Variants in STXBP4 observed in about 807,000 individuals in gnomAD.
STXBP4 encodes syntaxin binding protein 4.
In STXBP4, 55 loss-of-function variants were observed where a neutral mutation model predicts 76.1. That is an observed-to-expected ratio of 0.72 (90% CI 0.58 to 0.91). STXBP4 has a LOEUF of 0.91. Among genes scored for constraint, STXBP4 ranks in the 40% least tolerant of loss-of-function variants. STXBP4 has a pLI of 0.00. For missense variants in STXBP4, 618 were observed against 636.9 expected (o/e 0.97, Z 0.32); for synonymous variants, 201 against 220.2 (o/e 0.91, Z 0.77).
intron 16 of STXBP4, among the ~76,000 whole-genome samples, chr17:55,123,862 G>A (rs1056208772): frequency 2.0e-5 from 3 of 151,390 alleles, no homozygotes; most frequent in Non-Finnish European, 4.4e-5. Flanking sequence ...ATTGCACCAC[G>A]GCACTCCAAC....
At chr17:55,014,930 C>T (rs1413246322) in intron 8 of STXBP4, among the ~76,000 whole-genome samples, 1 of 151,506 alleles carries the variant, frequency 6.6e-6, no homozygotes, top group East Asian at 1.9e-4. Flanking sequence ...TTTTTTGTCC[C>T]GTTTGTCCCG....
chr17:55,144,423 A>G (rs1436495488), intron 17 of STXBP4, among the ~76,000 whole-genome samples: 1 of 152,220 alleles, frequency 6.6e-6, no homozygotes, highest in Non-Finnish European at 1.5e-5. Flanking sequence ...CTTCTTATAC[A>G]GAGGCCAGTG....
chr17:55,096,217 G>A (rs1318079940), intron 16 of STXBP4, among the ~76,000 whole-genome samples: 2 of 152,012 alleles, frequency 1.3e-5, no homozygotes, highest in Non-Finnish European at 2.9e-5. Flanking sequence ...GTGCAGTGGT[G>A]TGATCACAGC....
intron 16 of STXBP4, among the ~76,000 whole-genome samples, chr17:55,138,770 CCTTTA>C (rs774494193): frequency 6.6e-6 from 1 of 151,884 alleles, no homozygotes; most frequent in Non-Finnish European, 1.5e-5. Flanking sequence ...AGAAATGAAA[CCTTTA>C]CTAAGGGAAA....
chr17:55,065,266 A>C (rs1158339920), intron 12 of STXBP4, among the ~76,000 whole-genome samples: 1 of 152,078 alleles, frequency 6.6e-6, no homozygotes, highest in Non-Finnish European at 1.5e-5. Flanking sequence ...ACCAGTTTTC[A>C]CTGATTTATT....
chr17:55,203,289 A>G, the STXBP4 span, among the ~76,000 whole-genome samples: 1 of 152,152 alleles, frequency 6.6e-6, no homozygotes, highest in Non-Finnish European at 1.5e-5. Context: ...TCTTATGTTT[A>G]CACCTATAAT....
rs1160938591 is a variant in STXBP4, at chr17:55,168,097, C to T, written c.*8186C>T. On this transcript the variant is annotated 3_prime_UTR_variant, in exon 18 of 18. Coordinates refer to ENST00000376352, the MANE Select transcript of STXBP4 (RefSeq NM_178509.6). ...ACCACACAAAAATAAGAAGTTGGCACCAAATTAAATGCATGGATTACTTCT... is the reference window on the plus strand; with the variant it reads ...ACCACACAAAAATAAGAAGTTGGCATCAAATTAAATGCATGGATTACTTCT... 7.8e-6 allele frequency: 1 copy of T among 128,534 alleles called. No homozygotes were observed. The highest frequency in any genetic ancestry group is 2.1e-4 in the East Asian group (1 of 4,822). The allele number at this position is 128,534 out of a possible 1,614,324, so 8.0% of individuals were successfully genotyped here.
chr17:55,031,360 G>A, intron 9 of STXBP4, 96 bp downstream of exon 9: 2 of 1,031,000 alleles, frequency 1.9e-6, no homozygotes, highest in Middle Eastern at 4.2e-4. Context: ...TTTAGAAGGA[G>A]AGAATGAAAA....
At chr17:54,997,598 T>G (rs1463113677) in intron 4 of STXBP4, among the ~76,000 whole-genome samples, 1 of 140,680 alleles carries the variant, frequency 7.1e-6, no homozygotes, top group East Asian at 2.9e-4. Flanking sequence ...ATTTTATATA[T>G]TTTATATATA....
chr17:55,171,390 G>A lies in STXBP4; in HGVS notation c.*11479G>A, dbSNP rs1192183679. On this transcript the variant is annotated 3_prime_UTR_variant, in exon 18 of 18. Coordinates refer to ENST00000376352, the MANE Select transcript of STXBP4 (RefSeq NM_178509.6). ...TTGCTTAGATATTCTTATTGAGGGG[G>A]AACTTACTAACTCCTTTAATTCTTA... 1 of 152,132 alleles carries A rather than the reference G, an allele frequency of 6.6e-6. No homozygotes were observed. Among genetic ancestry groups the A allele is most frequent in the African/African-American group, 2.4e-5 (1 of 41,446 alleles). 9.4% of individuals were successfully genotyped at this position (152,132 alleles called of 1,614,324 possible).
At chr17:55,097,477 C>A (rs1046816763) in intron 16 of STXBP4, among the ~76,000 whole-genome samples, 1 of 152,090 alleles carries the variant, frequency 6.6e-6, no homozygotes, top group South Asian at 2.1e-4. Context: ...TCCTGGCTAA[C>A]ACGGTGAAAC....
chr17:55,062,795 C>G (rs1319324135), intron 12 of STXBP4, among the ~76,000 whole-genome samples: 1 of 152,194 alleles, frequency 6.6e-6, no homozygotes, highest in East Asian at 1.9e-4. Flanking sequence ...GCCATTCTAA[C>G]TGGCGTGAGA....
chr17:55,018,501 AGTTT>A (rs1204668108), intron 8 of STXBP4, among the ~76,000 whole-genome samples: 1 of 152,178 alleles, frequency 6.6e-6, no homozygotes, highest in African/African-American at 2.4e-5. Context: ...GGGTAGTCCG[AGTTT>A]GTTTATTTTC....
At chr17:54,981,838 A>G (rs1225744674) in intron 1 of STXBP4, among the ~76,000 whole-genome samples, 1 of 152,212 alleles carries the variant, frequency 6.6e-6, no homozygotes, top group Non-Finnish European at 1.5e-5. Flanking sequence ...GAACAGAGAA[A>G]GACCTAACGA....
the STXBP4 span, among the ~76,000 whole-genome samples, chr17:55,204,452 C>CT: frequency 3.3e-5 from 5 of 151,780 alleles, no homozygotes; most frequent in Admixed American, 6.6e-5. Context: ...TAATTCTTAC[C>CT]TTTTTTGCCT....
intron 12 of STXBP4, among the ~76,000 whole-genome samples, chr17:55,072,321 T>G (rs1901067791): frequency 6.6e-6 from 1 of 152,218 alleles, no homozygotes; most frequent in African/African-American, 2.4e-5. Context: ...ACATAACATG[T>G]GTTTAATAAA....
intron 1 of STXBP4, among the ~76,000 whole-genome samples, chr17:54,976,328 C>G (rs1327090689): frequency 1.3e-5 from 2 of 152,174 alleles, no homozygotes; most frequent in African/African-American, 4.8e-5. Flanking sequence ...GAAATAGGAC[C>G]AATTGTCCCA....
chr17:55,028,473 A>G (rs904656601), intron 8 of STXBP4, among the ~76,000 whole-genome samples: 2 of 152,214 alleles, frequency 1.3e-5, no homozygotes, highest in Admixed American at 6.5e-5. Flanking sequence ...CTATATTCAT[A>G]GAAAAAAACC....
At chr17:55,179,381 G>A in the STXBP4 span, among the ~76,000 whole-genome samples, 2 of 152,152 alleles carry the variant, frequency 1.3e-5, no homozygotes, top group African/African-American at 2.4e-5. Flanking sequence ...AGACCTGTGA[G>A]TATAGGTAAC....
Sources: gnomAD v4.1 joint callset for allele counts (sites outside exome capture counted in the v4.1 genomes callset) on GRCh38, gnomAD v4.1.1 for gene constraint, MANE v1.5 for transcripts, NCBI Gene and HGNC (gene_info 2026-07-23, HGNC 2026-07-21) for gene names.